The following UTP20 variants were observed in gnomAD, a reference collection of about 807,000 sequenced individuals.
UTP20 encodes UTP20 small subunit processome component, also known as small subunit processome component 20 homolog.
UTP20 carries 164 observed loss-of-function variants against 329.5 expected under a neutral mutation model. The observed-to-expected ratio is 0.50, with a 90% confidence interval of 0.44 to 0.57. The LOEUF (loss-of-function observed/expected upper bound fraction) is 0.57, where lower values mean the gene tolerates loss of function less well. Among genes scored for constraint, UTP20 ranks in the 20% least tolerant of loss-of-function variants. UTP20 has a pLI of 0.00. For missense variants in UTP20, 3,055 were observed against 3,284.2 expected (o/e 0.93, Z 1.71); for synonymous variants, 1,151 against 1,159.3 (o/e 0.99, Z 0.14).
chr12:101,345,708 C>T lies in UTP20; in HGVS notation c.4746+14C>T. 2 of 1,600,756 alleles carry T rather than the reference C, an allele frequency of 1.2e-6. No homozygotes were observed. Among genetic ancestry groups the T allele is most frequent in the Non-Finnish European group, 1.7e-6 (2 of 1,175,746 alleles). On this transcript the variant is annotated intron_variant, in intron 37 of 61. Coordinates refer to ENST00000261637, the MANE Select transcript of UTP20 (RefSeq NM_014503.3). ...AAGCACATTCAGGTAGAAGACAATT[C>T]TGCTTTTTCCTACCTACGACATAAG...
chr12:101,298,946 T>TA (rs1422432539), intron 12 of UTP20, among the ~76,000 whole-genome samples: 1 of 151,486 alleles, frequency 6.6e-6, no homozygotes, highest in African/African-American at 2.4e-5. Flanking sequence ...GGTGCAAGAG[T>TA]AAAAACCTGA....
In UTP20 at chr12:101,381,173, T is replaced by A. The variant is rs1486543004; in HGVS notation, c.7618T>A (p.Leu2540Met). Residue 2540 changes from leucine to methionine, a missense_variant, in exon 58 of 62, where the codon TTG (leucine) becomes ATG (methionine). By Grantham distance (15) the Leu-to-Met change is conservative. Around this residue, in one of 3 missense-constraint regions of UTP20, gnomAD observed 337 missense variants for 345.5 expected, o/e 0.98. Transcript: ENST00000261637. The stretch of plus-strand genomic sequence containing the variant: ...TATCTCTCTCGCCTCTTGCCATCAA[T>A]TGCATTCCAAATTCTTGGATCAGTC... ...KSISLASCHQ[L>M]HSKFLDQSLG... 2 of 1,614,100 alleles carry A rather than the reference T, an allele frequency of 1.2e-6. No individual in the cohort carries two copies.
rs1027696687 is a variant in UTP20 at position 101,323,711 on chromosome 12, C to G, written c.3041+2082C>G. 9.9e-5 allele frequency among the ~76,000 whole-genome samples: 15 copies of G among 151,532 alleles called. 1 individual carries two copies. The highest frequency in any genetic ancestry group is 3.9e-4 in the Admixed American group (6 of 15,218). On this transcript the variant is annotated intron_variant, in intron 25 of 61. Coordinates refer to ENST00000261637, the MANE Select transcript of UTP20 (RefSeq NM_014503.3). ...TATTCCTCTCTGTTTTCTTCTCATT[C>G]TGTTTGTTTTAATTTGATTATTTTA...
intron 42 of UTP20, 21 bp downstream of exon 42, chr12:101,356,714 G>T (rs1211131239): frequency 6.3e-7 from 1 of 1,586,206 alleles, no homozygotes; most frequent in South Asian, 1.2e-5. Context: ...TAACAAATTA[G>T]AAGTTTAGTG....
At chr12:101,346,367 A>G in intron 37 of UTP20, 84 bp from the exon 38 acceptor site, 1 of 1,456,874 alleles carries the variant, frequency 6.9e-7, no homozygotes, top group Non-Finnish European at 9.1e-7. Context: ...TAATCTTTTT[A>G]TGAAAAGAGA....
At chr12:101,311,339 T>G (rs1215189600) in intron 19 of UTP20, among the ~76,000 whole-genome samples, 1 of 152,192 alleles carries the variant, frequency 6.6e-6, no homozygotes, top group African/African-American at 2.4e-5. Flanking sequence ...TTAAATTTGG[T>G]GGAGGGAAAC....
At chr12:101,378,993 T>C (rs569398711) in intron 56 of UTP20, among the ~76,000 whole-genome samples, 65 of 152,222 alleles carry the variant, frequency 4.3e-4, no homozygotes, top group Non-Finnish European at 7.9e-4. Context: ...TATGATATTT[T>C]GATACATGCA....
At chr12:101,368,662 C>T (rs897555879) in intron 48 of UTP20, among the ~76,000 whole-genome samples, 2 of 152,156 alleles carry the variant, frequency 1.3e-5, no homozygotes, top group African/African-American at 2.4e-5. Flanking sequence ...TATTACTGCT[C>T]CATGCTATGA....
At chr12:101,352,317 G>C in intron 39 of UTP20, 123 bp downstream of exon 39, 1 of 1,053,496 alleles carries the variant, frequency 9.5e-7, no homozygotes, top group East Asian at 2.6e-5. Context: ...CATTTGGGTT[G>C]GTTCCAAGTC....
In UTP20 at chr12:101,317,501, T is replaced by G; in HGVS notation, c.2576T>G (p.Leu859Arg). The G allele has an allele frequency of 6.2e-7, 1 of 1,614,114 alleles. No homozygotes were observed. Among genetic ancestry groups the G allele is most frequent in the Non-Finnish European group, 8.5e-7 (1 of 1,179,994 alleles). Residue 859 changes from leucine (L) to arginine (R), a missense_variant, in exon 22 of 62, where the codon CTG becomes CGG. This residue lies in a region of UTP20 where 2,445 missense variants were observed against 2,575.5 expected (regional missense o/e 0.95). Transcript: ENST00000261637. ...AGCAATGAGTATTACCCAGCAGATC[T>G]GCAAGTTGCTCCAACCCAGGATCTA... is the stretch of plus-strand genomic sequence containing the variant. ...FINNEYYPAD[L>R]QVAPTQDLRR...
intron 43 of UTP20, among the ~76,000 whole-genome samples, chr12:101,358,736 T>C (rs1220228205): frequency 6.6e-6 from 1 of 152,198 alleles, no homozygotes; most frequent in East Asian, 1.9e-4. Flanking sequence ...TTTTCTTTTC[T>C]TTTTTTTCCC....
intron 41 of UTP20, among the ~76,000 whole-genome samples, chr12:101,355,807 G>A (rs971267058): frequency 6.6e-6 from 1 of 151,268 alleles, no homozygotes; most frequent in Non-Finnish European, 1.5e-5. Flanking sequence ...TTGTATATTT[G>A]TAATACAAAT....
At chr12:101,337,187 T>G (rs1416812238) in intron 29 of UTP20, among the ~76,000 whole-genome samples, 3 of 152,232 alleles carry the variant, frequency 2.0e-5, no homozygotes, top group Non-Finnish European at 4.4e-5. Flanking sequence ...ATATAGTGTC[T>G]TGTGTAGAGC....
At chr12:101,296,181 A>T (rs7296094) in intron 12 of UTP20, among the ~76,000 whole-genome samples, 1 of 152,038 alleles carries the variant, frequency 6.6e-6, no homozygotes, top group Non-Finnish European at 1.5e-5. Context: ...ATATATAGTC[A>T]TATGTAGTTT....
intron 15 of UTP20, among the ~76,000 whole-genome samples, chr12:101,305,095 C>G (rs1872615008): frequency 6.6e-6 from 1 of 152,074 alleles, no homozygotes; most frequent in Non-Finnish European, 1.5e-5. Context: ...CCACAACTCC[C>G]TGCATGTCAA....
chr12:101,325,978 C>T (rs1000397282), intron 25 of UTP20, among the ~76,000 whole-genome samples: 23 of 152,264 alleles, frequency 1.5e-4, no homozygotes, highest in Admixed American at 6.5e-4. Flanking sequence ...AATGTGTCAA[C>T]ATTTGACATT....
intron 58 of UTP20, among the ~76,000 whole-genome samples, chr12:101,381,954 G>A (rs1870658943): frequency 6.9e-6 from 1 of 145,116 alleles, no homozygotes; most frequent in Non-Finnish European, 1.5e-5. Flanking sequence ...GGGAGGCAGA[G>A]GTTGCACTAA....
intron 25 of UTP20, among the ~76,000 whole-genome samples, chr12:101,322,854 G>T (rs1376974423): frequency 6.6e-6 from 1 of 151,908 alleles, no homozygotes; most frequent in African/African-American, 2.4e-5. Flanking sequence ...AGTTATTGGT[G>T]GATTACAGAA....
intron 22 of UTP20, 86 bp from the exon 23 acceptor site, chr12:101,319,459 A>T: frequency 3.1e-6 from 3 of 952,684 alleles, no homozygotes; most frequent in Admixed American, 2.7e-5. Flanking sequence ...TTGAAGTTCT[A>T]GTCAGAATAA....
Sources: gnomAD v4.1 joint callset for allele counts (sites outside exome capture counted in the v4.1 genomes callset) on GRCh38, gnomAD v4.1.1 for gene constraint, gnomAD v4.1.1 regional missense constraint, MANE v1.5 for transcripts, NCBI Gene and HGNC (gene_info 2026-07-23, HGNC 2026-07-21) for gene names.